The following ANKRD11 variants were observed in gnomAD, a reference collection of about 807,000 sequenced individuals.
The protein encoded by ANKRD11 is ankyrin repeat domain-containing protein 11.
ANKRD11 carries 17 observed loss-of-function variants against 195.7 expected under a neutral mutation model. That is an observed-to-expected ratio of 0.09 (90% CI 0.06 to 0.13). The LOEUF is 0.13. ANKRD11 is among the 10% of genes least tolerant of loss of function. ANKRD11 has a pLI of 1.00. For synonymous variants in ANKRD11, 1,953 were observed against 1,528.1 expected (o/e 1.28, Z -6.49); for missense variants, 3,735 against 3,566.1 (o/e 1.05, Z -1.21).
At chr16:89,458,384 C>T (rs2056527804) in intron 1 of ANKRD11, among the ~76,000 whole-genome samples, 2 of 152,066 alleles carry the variant, frequency 1.3e-5, no homozygotes, top group South Asian at 4.1e-4. Flanking sequence ...GCCACCACGC[C>T]CGGCTAATTT....
chr16:89,460,173 G>A (rs369923798), intron 1 of ANKRD11, among the ~76,000 whole-genome samples: 6 of 152,062 alleles, frequency 3.9e-5, no homozygotes, highest in Non-Finnish European at 8.8e-5. Flanking sequence ...GGGAGGCCGA[G>A]ATTGCAGTGA....
At chr16:89,386,268 T>C (rs2152116643) in intron 2 of ANKRD11, among the ~76,000 whole-genome samples, 1 of 152,132 alleles carries the variant, frequency 6.6e-6, no homozygotes, top group Non-Finnish European at 1.5e-5. Context: ...ATGTTAAAAA[T>C]CAGTCACTTT....
rs745494194 is a variant in ANKRD11, at chr16:89,285,279, C to G, written c.1263G>C (p.Gly421=). 6.2e-7 allele frequency: 1 copy of G among 1,613,792 alleles called. No homozygotes were observed. The highest frequency in any genetic ancestry group is 8.5e-7 in the Non-Finnish European group (1 of 1,180,042). ...SDEEDASVTV[G]TGEKLRLSAH... ...CCGAGAGTCTCAGCTTCTCTCCTGT[C>G]CCCACGGTGACACTCGCGTCCTCCT... Residue 421 remains glycine (G), a synonymous_variant, in exon 9 of 13, where the codon GGG becomes GGC. Transcript: ENST00000301030. The surrounding 1 kb of genome is among the most constrained non-coding windows in gnomAD (Gnocchi z 5.6).
In ANKRD11 at chr16:89,389,260, A is replaced by G. The variant is rs531799140; in HGVS notation, c.-60+29024T>C. 3.3e-5 allele frequency among the ~76,000 whole-genome samples: 5 copies of G among 152,180 alleles called. No individual in the cohort carries two copies. In the South Asian group the frequency reaches 1.0e-3, roughly 32 times the overall value. ...GTCTGGTCTCAAACTCCTGGGCTCA[A>G]GCAATCTTCCCACCTTGGCTTCCTA... On this transcript the variant is annotated intron_variant, in intron 2 of 12. Transcript: ENST00000301030.
chr16:89,275,117 C>T lies in ANKRD11; in HGVS notation c.7545G>A (p.Leu2515=). 6.2e-7 allele frequency: 1 copy of T among 1,612,758 alleles called. No individual in the cohort carries two copies. Among genetic ancestry groups the T allele is most frequent in the Non-Finnish European group, 8.5e-7 (1 of 1,179,652 alleles). ...FRQQEAVRGK[L]RLQHSIEREK... ...CCCGCTCGATGCTGTGCTGTAGACG[C>T]AGCTTTCCCCGGACGGCCTCCTGCT... Residue 2515 remains leucine (L), a synonymous_variant, in exon 10 of 13, where the codon CTG becomes CTA. Coordinates refer to ENST00000301030, the MANE Select transcript of ANKRD11 (RefSeq NM_013275.6).
intron 1 of ANKRD11, among the ~76,000 whole-genome samples, chr16:89,441,979 G>C (rs897157457): frequency 6.6e-6 from 1 of 152,016 alleles, no homozygotes. Context: ...ACTCAAATCC[G>C]GTCTAGAAAT....
At chr16:89,319,763 C>T (rs947884159) in intron 2 of ANKRD11, among the ~76,000 whole-genome samples, 9 of 152,252 alleles carry the variant, frequency 5.9e-5, no homozygotes, top group Non-Finnish European at 1.2e-4. Context: ...TCCCAGGACC[C>T]GCCTGCAGGC....
intron 1 of ANKRD11, among the ~76,000 whole-genome samples, chr16:89,474,248 T>C (rs2057182042): frequency 6.6e-6 from 1 of 152,174 alleles, no homozygotes; most frequent in Non-Finnish European, 1.5e-5. Flanking sequence ...CACTAAGCTG[T>C]GCCCAGACTT....
chr16:89,468,343 G>T (rs1363424530), intron 1 of ANKRD11, among the ~76,000 whole-genome samples: 2 of 151,990 alleles, frequency 1.3e-5, no homozygotes, highest in Admixed American at 6.6e-5. Context: ...TCATGAGGTC[G>T]GGGGGAAAGT....
chr16:89,332,677 G>A lies in ANKRD11; in HGVS notation c.-59-15599C>T, dbSNP rs780313065. On this transcript the variant is annotated intron_variant, in intron 2 of 12. Transcript: ENST00000301030. ...AAACGACAAACACAACGAGAGAGGC[G>A]CTGAGACCAGGCAGGGCTCTCCTCC... Among the ~76,000 whole-genome samples the A allele has an allele frequency of 4.6e-5, 7 of 152,306 alleles. No individual in the cohort carries two copies. In the South Asian group the frequency reaches 8.3e-4, roughly 18 times the overall value.
At chr16:89,488,691 A>G (rs35737602) in intron 1 of ANKRD11, among the ~76,000 whole-genome samples, 19,943 of 152,188 alleles carry the variant, frequency 0.13, 1,669 homozygotes, top group Middle Eastern at 0.2. Context: ...ATATCATCTT[A>G]TATGTTTGGC....
chr16:89,331,006 T>A (rs945926997), intron 2 of ANKRD11, among the ~76,000 whole-genome samples: 1 of 152,186 alleles, frequency 6.6e-6, no homozygotes, highest in Non-Finnish European at 1.5e-5. Flanking sequence ...CAGGCTGGAG[T>A]GCAATGGTGC....
chr16:89,317,980 C>T (rs2037065718), intron 2 of ANKRD11, among the ~76,000 whole-genome samples: 1 of 152,146 alleles, frequency 6.6e-6, no homozygotes, highest in South Asian at 2.1e-4. Flanking sequence ...CCCTACAGCA[C>T]AAAGCCTGCA....
intron 2 of ANKRD11, among the ~76,000 whole-genome samples, chr16:89,393,189 T>G (rs1381291679): frequency 6.6e-6 from 1 of 152,134 alleles, no homozygotes; most frequent in Non-Finnish European, 1.5e-5. Flanking sequence ...ATAAATACCT[T>G]GAGAGCACGA....
rs2034426447 is a variant in ANKRD11 at position 89,283,479 on chromosome 16, C to T, written c.3063G>A (p.Glu1021=). The change falls in exon 9 of 13, where the codon GAG becomes GAA. Residue 1021 remains glutamate, a synonymous_variant. Transcript: ENST00000301030. This position sits in a 1 kb window ranked among gnomAD's most constrained non-coding sequence, Gnocchi z 4.3. ...KKDGPDKERK[E]KTKPERYKEK... is the part of the protein sequence containing the mutation. ...CTTTGTATCTTTCTGGTTTTGTCTT[C>T]TCCTTCCTTTCCTTATCGGGGCCAT... 1.2e-6 allele frequency: 2 copies of T among 1,614,160 alleles called. No individual in the cohort carries two copies. Among genetic ancestry groups the T allele is most frequent in the Non-Finnish European group, 8.5e-7 (1 of 1,180,044 alleles).
At chr16:89,426,568 A>ACAC (rs1320103877) in intron 1 of ANKRD11, among the ~76,000 whole-genome samples, 71 of 81,618 alleles carry the variant, frequency 8.7e-4, no homozygotes, top group Admixed American at 6.2e-4. Context: ...CACACACACA[A>ACAC]ATCTGAAATC....
At chr16:89,424,663 T>C (rs1347210015) in intron 1 of ANKRD11, among the ~76,000 whole-genome samples, 2 of 152,150 alleles carry the variant, frequency 1.3e-5, no homozygotes, top group African/African-American at 2.4e-5. Context: ...ACTCCATTTA[T>C]ATGACACTCT....
intron 1 of ANKRD11, among the ~76,000 whole-genome samples, chr16:89,489,613 G>C (rs1034945500): frequency 6.6e-6 from 1 of 151,942 alleles, no homozygotes; most frequent in African/African-American, 2.4e-5. Flanking sequence ...CGACCAGCAC[G>C]GCGAAGGCGC....
intron 2 of ANKRD11, among the ~76,000 whole-genome samples, chr16:89,364,933 T>C (rs2152066637): frequency 6.6e-6 from 1 of 152,342 alleles, no homozygotes. Context: ...GATCATTTCT[T>C]ACAAAGCCAA....
Sources: allele counts gnomAD v4.1 joint callset (sites outside exome capture counted in the v4.1 genomes callset), GRCh38; gene constraint gnomAD v4.1.1; non-coding constraint Gnocchi (gnomAD v3.1); transcripts MANE v1.5; gene names NCBI Gene and HGNC (gene_info 2026-07-23, HGNC 2026-07-21).